The following CNTNAP2 variants were observed in gnomAD, a reference collection of about 807,000 sequenced individuals.
CNTNAP2 encodes contactin-associated protein-like 2.
Under a neutral mutation model 155.2 loss-of-function variants are expected in CNTNAP2, and 98 were observed. The ratio of observed to expected loss-of-function variants is 0.63; its 90% CI spans 0.54 to 0.75. CNTNAP2 has a LOEUF of 0.75. CNTNAP2 is among the 30% of genes least tolerant of loss of function. The probability of loss-of-function intolerance (pLI) is 0.00; values close to 1 mark genes in which losing one functional copy is unlikely to be tolerated. For missense variants in CNTNAP2, 1,727 were observed against 1,688.1 expected (o/e 1.02, Z -0.40); for synonymous variants, 651 against 631.2 (o/e 1.03, Z -0.47).
intron 1 of CNTNAP2, among the ~76,000 whole-genome samples, chr7:146,319,345 G>A (rs1800961663): frequency 6.6e-6 from 1 of 151,876 alleles, no homozygotes; most frequent in Non-Finnish European, 1.5e-5. Flanking sequence ...ATTGATAAAG[G>A]GATTTCACTG....
chr7:147,622,471 A>G (rs893537288), intron 12 of CNTNAP2, among the ~76,000 whole-genome samples: 13 of 152,084 alleles, frequency 8.5e-5, no homozygotes, highest in African/African-American at 3.1e-4. Context: ...CTAGAAATTG[A>G]TAACAAGATG....
chr7:147,878,633 G>T (rs2116712181), intron 13 of CNTNAP2, among the ~76,000 whole-genome samples: 1 of 152,086 alleles, frequency 6.6e-6, no homozygotes, highest in East Asian at 1.9e-4. Context: ...GCCCGTTATT[G>T]TTACTCCCTA....
rs140357492 is a variant in CNTNAP2, at chr7:147,224,959, A to G, written c.1349-75182A>G. Among the ~76,000 whole-genome samples the G allele has an allele frequency of 2.0e-4, 30 of 152,334 alleles. 1 individual carries two copies. The highest frequency in any genetic ancestry group is 7.2e-4 in the African/African-American group (30 of 41,586). On this transcript the variant is annotated intron_variant, in intron 8 of 23. Coordinates refer to ENST00000361727, the MANE Select transcript of CNTNAP2 (RefSeq NM_014141.6). ...AAGTCCTCTAATGACTTTAGAGACA[A>G]CTGTATCTTATACACTTTTTAAAAG... is the stretch of plus-strand genomic sequence containing the variant.
Position 148,311,176 on chromosome 7 carries a change from G to C in CNTNAP2, c.3475+44050G>C, listed in dbSNP as rs937549082. 4.9e-5 allele frequency among the ~76,000 whole-genome samples: 7 copies of C among 143,674 alleles called. No individual in the cohort carries two copies. In the South Asian group the frequency reaches 1.5e-3, roughly 30 times the overall value. The allele number at this position is 143,674 out of a possible 152,430, so 94.3% of individuals were successfully genotyped here. ...GGCAGCTTGCTGATGTGAAATGTCTGGGGAGGTCTTGCTGGACCTGTCTAG... is the reference window on the plus strand; with the variant it reads ...GGCAGCTTGCTGATGTGAAATGTCTCGGGAGGTCTTGCTGGACCTGTCTAG... On this transcript the variant is annotated intron_variant, in intron 21 of 23. Transcript: ENST00000361727.
intron 1 of CNTNAP2, among the ~76,000 whole-genome samples, chr7:146,700,138 A>G (rs990893719): frequency 2.0e-5 from 3 of 152,086 alleles, no homozygotes; most frequent in African/African-American, 7.2e-5. Flanking sequence ...ACTGGACCTC[A>G]AAGGGTTTTC....
intron 10 of CNTNAP2, among the ~76,000 whole-genome samples, chr7:147,481,117 A>G (rs778478040): frequency 1.3e-5 from 2 of 152,220 alleles, no homozygotes; most frequent in Non-Finnish European, 2.9e-5. Flanking sequence ...TTACAAGACC[A>G]AATATGGTTT....
chr7:147,470,099 T>G (rs1195367537), intron 10 of CNTNAP2, among the ~76,000 whole-genome samples: 1 of 152,108 alleles, frequency 6.6e-6, no homozygotes, highest in Non-Finnish European at 1.5e-5. Context: ...TTGTAAGCTT[T>G]CTTTTACTCA....
chr7:148,383,522 A>T, intron 21 of CNTNAP2, 127 bp from the exon 22 acceptor site: 1 of 1,373,672 alleles, frequency 7.3e-7, no homozygotes. Context: ...TATTTCATCC[A>T]AAACAATGTA....
intron 14 of CNTNAP2, among the ~76,000 whole-genome samples, chr7:147,906,813 A>G (rs1181183856): frequency 6.6e-6 from 1 of 152,138 alleles, no homozygotes; most frequent in Non-Finnish European, 1.5e-5. Flanking sequence ...TTCAAAGAAC[A>G]TGTCTGAATT....
In CNTNAP2 at chr7:147,302,335, AC is replaced by A. The variant is rs1169794308; in HGVS notation, c.1498+2046del. Among the ~76,000 whole-genome samples the A allele has an allele frequency of 2.6e-5, 4 of 152,326 alleles. No homozygotes were observed. The East Asian group carries it at 7.7e-4, about 29-fold the overall frequency. On this transcript the variant is annotated intron_variant, in intron 9 of 23. Transcript: ENST00000361727. ...TCGATTTCAATCTAGAGGGGCGAGC[AC>A]ATAGCTGTAACCACACATTCATGGC...
intron 21 of CNTNAP2, among the ~76,000 whole-genome samples, chr7:148,334,564 A>G (rs1055737767): frequency 5.9e-5 from 9 of 152,328 alleles, no homozygotes; most frequent in African/African-American, 1.4e-4. Flanking sequence ...TGGTGGACCC[A>G]CAGTTCTGTA....
At chr7:147,490,306 G>A (rs1681841928) in intron 11 of CNTNAP2, among the ~76,000 whole-genome samples, 1 of 152,062 alleles carries the variant, frequency 6.6e-6, no homozygotes, top group African/African-American at 2.4e-5. Flanking sequence ...TAAAGCAAAA[G>A]TAAAATTTTT....
chr7:146,508,795 A>G (rs12703819), intron 1 of CNTNAP2, among the ~76,000 whole-genome samples: 10,868 of 152,288 alleles, frequency 0.071, 415 homozygotes, highest in Non-Finnish European at 0.085. Context: ...AATTGCCTCC[A>G]CAAAGTTAAC....
chr7:146,683,717 G>A (rs979057902), intron 1 of CNTNAP2, among the ~76,000 whole-genome samples: 9 of 152,160 alleles, frequency 5.9e-5, no homozygotes, highest in African/African-American at 2.2e-4. Flanking sequence ...GCCTAAGAGG[G>A]TCATGAATGA....
At chr7:146,177,251 G>C (rs1376997082) in intron 1 of CNTNAP2, among the ~76,000 whole-genome samples, 1 of 152,122 alleles carries the variant, frequency 6.6e-6, no homozygotes, top group African/African-American at 2.4e-5. Flanking sequence ...GCTTGACTAA[G>C]TTCTTTTGCT....
chr7:146,188,586 C>T (rs1431550317), intron 1 of CNTNAP2, among the ~76,000 whole-genome samples: 1 of 152,096 alleles, frequency 6.6e-6, no homozygotes, highest in African/African-American at 2.4e-5. Context: ...TTAGATATAC[C>T]TTGGACTCAT....
At chr7:146,121,624 A>G (rs1325651514) in intron 1 of CNTNAP2, among the ~76,000 whole-genome samples, 1 of 152,178 alleles carries the variant, frequency 6.6e-6, no homozygotes, top group African/African-American at 2.4e-5. Flanking sequence ...GCAAAGTTAT[A>G]AAACAGCGTA....
chr7:146,828,044 A>T (rs1803440406), intron 2 of CNTNAP2, among the ~76,000 whole-genome samples: 1 of 152,104 alleles, frequency 6.6e-6, no homozygotes, highest in African/African-American at 2.4e-5. Context: ...CTCTAAATGA[A>T]TAAATTGGAT....
chr7:147,950,947 C>T (rs1363392370), intron 14 of CNTNAP2, among the ~76,000 whole-genome samples: 2 of 152,232 alleles, frequency 1.3e-5, no homozygotes, highest in African/African-American at 4.8e-5. Flanking sequence ...TGGCCCAAGC[C>T]TCTTTGTCTT....
Sources: allele counts gnomAD v4.1 joint callset (sites outside exome capture counted in the v4.1 genomes callset), GRCh38; gene constraint gnomAD v4.1.1; transcripts MANE v1.5; gene names NCBI Gene and HGNC (gene_info 2026-07-23, HGNC 2026-07-21).